TNFRSF10B: variants seen among roughly 807,000 people sequenced by gnomAD.
TNFRSF10B encodes the protein tumor necrosis factor receptor superfamily member 10B.
A neutral mutation model predicts 41.4 loss-of-function variants in TNFRSF10B; 35 were observed. That is an observed-to-expected ratio of 0.85 (90% CI 0.65 to 1.12). TNFRSF10B has a LOEUF of 1.12. Ranked by LOEUF, TNFRSF10B falls within the 50% of genes most tolerant of loss-of-function variation. The pLI is 0.00. For missense variants in TNFRSF10B, 584 were observed against 552.7 expected (o/e 1.06, Z -0.57); for synonymous variants, 230 against 215.5 (o/e 1.07, Z -0.59).
Position 23,027,719 on chromosome 8 carries a change from C to G in TNFRSF10B, c.780+3G>C, listed in dbSNP as rs748521795. On this transcript the variant is annotated splice_donor_region_variant and intron_variant, in intron 6 of 8. Transcript: ENST00000276431. The stretch of plus-strand genomic sequence containing the variant: ...CCCCCAGCTCCTGGAGAAATCAACT[C>G]ACTCTGTCCACACGCTCAGGGTCCC... 2.5e-6 allele frequency: 4 copies of G among 1,614,072 alleles called. No homozygotes were observed. The South Asian group carries it at 4.4e-5, about 18-fold the overall frequency.
intron 1 of TNFRSF10B, among the ~76,000 whole-genome samples, chr8:23,067,665 A>C (rs1813031194): frequency 6.6e-6 from 1 of 152,204 alleles, no homozygotes; most frequent in South Asian, 2.1e-4. Flanking sequence ...CTCAGAGGTG[A>C]GACCAAGGAC....
At chr8:23,025,206 C>A (rs142911365) in intron 7 of TNFRSF10B, among the ~76,000 whole-genome samples, 1 of 151,974 alleles carries the variant, frequency 6.6e-6, no homozygotes, top group African/African-American at 2.4e-5. Flanking sequence ...AATGGACTTA[C>A]AAGAAGACCC....
intron 1 of TNFRSF10B, among the ~76,000 whole-genome samples, chr8:23,054,395 C>T (rs1442812794): frequency 6.6e-6 from 1 of 152,162 alleles, no homozygotes; most frequent in African/African-American, 2.4e-5. Flanking sequence ...CAGTATACTC[C>T]TATGAACAAA....
chr8:23,062,907 G>A (rs990930773), intron 1 of TNFRSF10B, among the ~76,000 whole-genome samples: 24 of 152,142 alleles, frequency 1.6e-4, no homozygotes, highest in Non-Finnish European at 3.2e-4. Flanking sequence ...TTCTGCTATA[G>A]TTGTCTCAGG....
intron 2 of TNFRSF10B, among the ~76,000 whole-genome samples, chr8:23,042,340 C>A (rs1025396480): frequency 6.6e-6 from 1 of 152,212 alleles, no homozygotes; most frequent in Non-Finnish European, 1.5e-5. Flanking sequence ...ATTTTAAAAG[C>A]CACTGCTTGC....
rs773307893 is a variant in TNFRSF10B at position 23,022,770 on chromosome 8, C to T, written c.1224G>A (p.Thr408=). 17 of 1,613,996 alleles carry T rather than the reference C, an allele frequency of 1.1e-5. No individual in the cohort carries two copies. The highest frequency in any genetic ancestry group is 3.3e-4 in the Middle Eastern group (2 of 6,062). Residue 408 remains threonine (T), a synonymous_variant, in exon 9 of 9, where the codon ACG becomes ACA. Transcript: ENST00000276431. ...TCTGCTTGGCAAGTCTCTCTCCCAG[C>T]GTCTCCAAGGCATCCAGCAGGGTGT... ...SVHTLLDALE[T]LGERLAKQKI... is the part of the protein sequence containing the mutation.
At chr8:23,048,764 C>A (rs1812436601) in intron 1 of TNFRSF10B, among the ~76,000 whole-genome samples, 2 of 152,072 alleles carry the variant, frequency 1.3e-5, no homozygotes, top group South Asian at 4.1e-4. Context: ...CCCTATAAAT[C>A]CCCATAAATA....
At chr8:23,033,822 C>A (rs561293370) in intron 2 of TNFRSF10B, among the ~76,000 whole-genome samples, 6 of 151,634 alleles carry the variant, frequency 4.0e-5, no homozygotes, top group East Asian at 1.9e-4. Context: ...AGAGAGAGAG[C>A]GAGCAAGCGA....
chr8:23,029,526 G>A, intron 4 of TNFRSF10B, 84 bp downstream of exon 4: 1 of 1,372,606 alleles, frequency 7.3e-7, no homozygotes, highest in Non-Finnish European at 1.0e-6. Flanking sequence ...TGCGGGTGCT[G>A]TCAGGGGAGA....
chr8:23,059,614 C>T (rs1812767401), intron 1 of TNFRSF10B, among the ~76,000 whole-genome samples: 1 of 152,242 alleles, frequency 6.6e-6, no homozygotes, highest in Non-Finnish European at 1.5e-5. Flanking sequence ...TCACGCCATT[C>T]TCCTGCCTCA....
intron 1 of TNFRSF10B, among the ~76,000 whole-genome samples, chr8:23,052,011 G>A (rs1812532676): frequency 1.3e-5 from 2 of 152,132 alleles, no homozygotes; most frequent in Non-Finnish European, 2.9e-5. Flanking sequence ...AGTCAGTTAG[G>A]TCAGATCATT....
At chr8:23,057,868 C>T (rs1392782142) in intron 1 of TNFRSF10B, among the ~76,000 whole-genome samples, 4 of 152,154 alleles carry the variant, frequency 2.6e-5, no homozygotes, top group Admixed American at 2.6e-4. Context: ...TTAAGATAGC[C>T]ACAGCAGTTT....
At chr8:23,034,600 G>A (rs1051892020) in intron 2 of TNFRSF10B, among the ~76,000 whole-genome samples, 1 of 152,168 alleles carries the variant, frequency 6.6e-6, no homozygotes, top group Admixed American at 6.5e-5. Flanking sequence ...GACAGTACAT[G>A]CCTGTAGTCT....
At chr8:23,047,576 A>G (rs541129665) in intron 1 of TNFRSF10B, among the ~76,000 whole-genome samples, 1 of 152,248 alleles carries the variant, frequency 6.6e-6, no homozygotes, top group Admixed American at 6.5e-5. Flanking sequence ...AAGACACACA[A>G]ATGGTCAACA....
chr8:23,035,321 TA>T (rs1441942707), intron 2 of TNFRSF10B, among the ~76,000 whole-genome samples: 3 of 152,090 alleles, frequency 2.0e-5, no homozygotes, highest in African/African-American at 4.8e-5. Flanking sequence ...TTTGTATTTT[TA>T]GTAGAGATGA....
intron 6 of TNFRSF10B, 61 bp downstream of exon 6, chr8:23,027,661 G>C: frequency 6.2e-7 from 1 of 1,610,722 alleles, no homozygotes; most frequent in Non-Finnish European, 8.5e-7. Context: ...CCCAGGTTCT[G>C]CTGTCCCAGG....
At chr8:23,065,673 G>A (rs1007946428) in intron 1 of TNFRSF10B, among the ~76,000 whole-genome samples, 3 of 152,194 alleles carry the variant, frequency 2.0e-5, no homozygotes, top group African/African-American at 7.2e-5. Context: ...ATAGTTATAT[G>A]TAGATAAAAG....
At chr8:23,028,176 G>T in intron 5 of TNFRSF10B, 155 bp downstream of exon 5, 2 of 983,410 alleles carry the variant, frequency 2.0e-6, no homozygotes, top group Non-Finnish European at 3.1e-6. Flanking sequence ...GGGGTGCACG[G>T]GATGTGGGGA....
Position 23,021,234 on chromosome 8 carries a change from C to G in TNFRSF10B, c.*1437G>C, listed in dbSNP as rs1448646515. ...ACACAAGAAGAAAACCTTAATGCGT[C>G]AGCCATTCTAGGTCCTGTTGCCACA... On this transcript the variant is annotated 3_prime_UTR_variant, in exon 9 of 9. Transcript: ENST00000276431. 4.4e-6 allele frequency: 2 copies of G among 454,130 alleles called. No individual in the cohort carries two copies. The highest frequency in any genetic ancestry group is 3.1e-5 in the South Asian group (2 of 64,478). 28.1% of individuals were successfully genotyped at this position (454,130 alleles called of 1,614,324 possible). A position where few individuals can be genotyped will look rare whatever the true frequency, so the allele number is the denominator to read the frequency against.
Sources: gnomAD v4.1 joint callset for allele counts (sites outside exome capture counted in the v4.1 genomes callset) on GRCh38, gnomAD v4.1.1 for gene constraint, MANE v1.5 for transcripts, NCBI Gene and HGNC (gene_info 2026-07-23, HGNC 2026-07-21) for gene names.